The following CCSER1 variants were observed in gnomAD, a reference collection of about 807,000 sequenced individuals.
CCSER1 encodes serine-rich coiled-coil domain-containing protein 1.
Under a neutral mutation model 82.0 loss-of-function variants are expected in CCSER1, and 41 were observed. The observed-to-expected ratio is 0.50, with a 90% confidence interval of 0.39 to 0.65. The LOEUF (loss-of-function observed/expected upper bound fraction) is 0.65. CCSER1 is among the 30% of genes least tolerant of loss of function. The pLI, the probability that CCSER1 is intolerant of heterozygous loss-of-function variation, is 0.00. For synonymous variants in CCSER1, 414 were observed against 383.9 expected (o/e 1.08, Z -0.92); for missense variants, 1,119 against 1,064.2 (o/e 1.05, Z -0.72).
chr4:90,602,297 A>G (rs890971938), intron 5 of CCSER1, among the ~76,000 whole-genome samples: 2 of 152,078 alleles, frequency 1.3e-5, no homozygotes, highest in African/African-American at 4.8e-5. Context: ...ATATTCCTTG[A>G]ATGTATTTTG....
chr4:90,938,256 C>T (rs1370810379), intron 9 of CCSER1, among the ~76,000 whole-genome samples: 5 of 151,930 alleles, frequency 3.3e-5, no homozygotes, highest in African/African-American at 7.2e-5. Flanking sequence ...ATGGTGACTA[C>T]GGGTTGCAAA....
chr4:90,141,784 T>C (rs1337173128), intron 1 of CCSER1, among the ~76,000 whole-genome samples: 1 of 152,206 alleles, frequency 6.6e-6, no homozygotes, highest in African/African-American at 2.4e-5. Context: ...TCAAGGCTAA[T>C]ATGCCAAGTT....
At chr4:91,331,442 C>T (rs1460735007) in intron 10 of CCSER1, among the ~76,000 whole-genome samples, 1 of 152,048 alleles carries the variant, frequency 6.6e-6, no homozygotes, top group East Asian at 1.9e-4. Flanking sequence ...CATCTTTTAG[C>T]CTCATCTTGT....
intron 1 of CCSER1, among the ~76,000 whole-genome samples, chr4:90,160,737 T>A (rs1729284627): frequency 6.6e-6 from 1 of 152,122 alleles, no homozygotes; most frequent in Non-Finnish European, 1.5e-5. Context: ...TATTGGAAGC[T>A]ATGGGAAACA....
intron 7 of CCSER1, among the ~76,000 whole-genome samples, chr4:90,806,713 A>G (rs1312306916): frequency 6.6e-6 from 1 of 152,166 alleles, no homozygotes; most frequent in Admixed American, 6.5e-5. Flanking sequence ...CAATGAGTGA[A>G]CAAGGGAGTA....
At chr4:90,976,383 T>G (rs1735618702) in intron 9 of CCSER1, among the ~76,000 whole-genome samples, 1 of 151,186 alleles carries the variant, frequency 6.6e-6, no homozygotes, top group African/African-American at 2.4e-5. Context: ...GTATGTAAAA[T>G]TTTAAAAGCT....
At chr4:90,638,549 A>G (rs1384093734) in intron 6 of CCSER1, among the ~76,000 whole-genome samples, 4 of 152,144 alleles carry the variant, frequency 2.6e-5, no homozygotes, top group Non-Finnish European at 4.4e-5. Context: ...CTTCATATAC[A>G]CATATGGATC....
intron 5 of CCSER1, among the ~76,000 whole-genome samples, chr4:90,595,338 A>G (rs1483806481): frequency 6.6e-6 from 1 of 151,980 alleles, no homozygotes; most frequent in African/African-American, 2.4e-5. Context: ...AAGAACGTTT[A>G]GTGTTTGAAA....
At chr4:91,220,024 A>C (rs1182480827) in intron 10 of CCSER1, among the ~76,000 whole-genome samples, 1 of 152,190 alleles carries the variant, frequency 6.6e-6, no homozygotes, top group Non-Finnish European at 1.5e-5. Context: ...CTTCTAGTTC[A>C]AGTGAGAATG....
At chr4:90,929,980 A>G (rs1729530681) in intron 9 of CCSER1, among the ~76,000 whole-genome samples, 1 of 152,238 alleles carries the variant, frequency 6.6e-6, no homozygotes, top group Admixed American at 6.5e-5. Context: ...ATCACATTGT[A>G]TGCCATAAAT....
intron 4 of CCSER1, among the ~76,000 whole-genome samples, chr4:90,458,289 G>A (rs1278632899): frequency 6.6e-6 from 1 of 151,886 alleles, no homozygotes; most frequent in East Asian, 1.9e-4. Flanking sequence ...ACTGCAACCA[G>A]CATCTTCACA....
At chr4:90,972,551 T>C (rs1159317611) in intron 9 of CCSER1, among the ~76,000 whole-genome samples, 1 of 151,732 alleles carries the variant, frequency 6.6e-6, no homozygotes, top group African/African-American at 2.4e-5. Context: ...AGATATCCCA[T>C]GTTAATGGAT....
At chr4:90,596,393 G>T (rs1011857595) in intron 5 of CCSER1, among the ~76,000 whole-genome samples, 5 of 151,726 alleles carry the variant, frequency 3.3e-5, no homozygotes, top group Non-Finnish European at 7.4e-5. Flanking sequence ...AAAGGATATA[G>T]GTGTTAAATA....
chr4:90,294,561 G>A (rs979163375), intron 1 of CCSER1, among the ~76,000 whole-genome samples: 1 of 151,912 alleles, frequency 6.6e-6, no homozygotes, highest in African/African-American at 2.4e-5. Context: ...CCTTCCCAGT[G>A]GAAACCACTG....
intron 6 of CCSER1, among the ~76,000 whole-genome samples, chr4:90,658,446 G>A (rs1447465231): frequency 1.3e-5 from 2 of 152,174 alleles, no homozygotes. Flanking sequence ...CTCCCTGGGA[G>A]ACCTGAATTC....
chr4:90,742,398 T>C (rs1210190273), intron 7 of CCSER1, among the ~76,000 whole-genome samples: 1 of 152,222 alleles, frequency 6.6e-6, no homozygotes, highest in African/African-American at 2.4e-5. Flanking sequence ...TTACCTCCAA[T>C]GTGACAATAT....
At chr4:90,843,396 C>T (rs1239944516) in intron 8 of CCSER1, among the ~76,000 whole-genome samples, 1 of 152,114 alleles carries the variant, frequency 6.6e-6, no homozygotes, top group Non-Finnish European at 1.5e-5. Context: ...AGTTAGGCCT[C>T]AAATAGTTTA....
In CCSER1 at chr4:90,415,134, A is replaced by G. The variant is rs140237676; in HGVS notation, c.1603+15005A>G. ...AGAAAATCAGTTGAAAAATCAAAAT[A>G]TATATCATCAATCATTCAATCAGTG... On this transcript the variant is annotated intron_variant, in intron 4 of 10. Coordinates refer to ENST00000509176, the MANE Select transcript of CCSER1 (RefSeq NM_001145065.2). 1.4e-4 allele frequency among the ~76,000 whole-genome samples: 21 copies of G among 152,350 alleles called. No homozygotes were observed. In the East Asian group the frequency reaches 3.9e-3, roughly 28 times the overall value.
intron 10 of CCSER1, among the ~76,000 whole-genome samples, chr4:91,141,222 C>T (rs935305013): frequency 3.3e-5 from 5 of 151,336 alleles, no homozygotes; most frequent in African/African-American, 9.7e-5. Context: ...GGCACAATCT[C>T]GGCTCACTGC....
Sources: gnomAD v4.1 joint callset for allele counts (sites outside exome capture counted in the v4.1 genomes callset) on GRCh38, gnomAD v4.1.1 for gene constraint, MANE v1.5 for transcripts, NCBI Gene and HGNC (gene_info 2026-07-23, HGNC 2026-07-21) for gene names.